The following GPC5 variants were observed in gnomAD, a reference collection of about 807,000 sequenced individuals.
The protein encoded by GPC5 is glypican-5.
A neutral mutation model predicts 53.9 loss-of-function variants in GPC5; 47 were observed. That is an observed-to-expected ratio of 0.87 (90% CI 0.69 to 1.11). The LOEUF is 1.11. Ranked by LOEUF, GPC5 falls within the 50% of genes most tolerant of loss-of-function variation. The probability of loss-of-function intolerance (pLI) is 0.00; values close to 1 mark genes in which losing one functional copy is unlikely to be tolerated. For missense variants in GPC5, 748 were observed against 713.1 expected, an observed-to-expected ratio of 1.05 and a Z score of -0.56; for synonymous variants, 286 against 263.3, an observed-to-expected ratio of 1.09 and a Z score of -0.84.
chr13:91,420,924 T>C (rs1474912152), intron 1 of GPC5, among the ~76,000 whole-genome samples: 1 of 152,242 alleles, frequency 6.6e-6, no homozygotes, highest in Non-Finnish European at 1.5e-5. Flanking sequence ...TTATCTAGTC[T>C]TGGGTAGTAT....
chr13:92,119,608 G>T (rs1222768907), intron 6 of GPC5, among the ~76,000 whole-genome samples: 2 of 110,258 alleles, frequency 1.8e-5, no homozygotes, highest in African/African-American at 7.1e-5. Context: ...TTTTAGTAGA[G>T]ACGGGGTTTC....
chr13:91,449,629 C>G (rs766203560), intron 2 of GPC5, among the ~76,000 whole-genome samples: 1 of 152,094 alleles, frequency 6.6e-6, no homozygotes, highest in Non-Finnish European at 1.5e-5. Context: ...AAAGTGCAAG[C>G]AAGTCTGATA....
At chr13:92,169,106 G>T (rs571604284) in intron 7 of GPC5, among the ~76,000 whole-genome samples, 1 of 152,170 alleles carries the variant, frequency 6.6e-6, no homozygotes, top group East Asian at 1.9e-4. Flanking sequence ...GCATGTTCTC[G>T]CTTCTAAGTG....
intron 7 of GPC5, among the ~76,000 whole-genome samples, chr13:92,297,034 A>G (rs1167580332): frequency 6.6e-6 from 1 of 152,208 alleles, no homozygotes; most frequent in Non-Finnish European, 1.5e-5. Flanking sequence ...TGACCACCCA[A>G]GGGCTGAGGA....
intron 2 of GPC5, among the ~76,000 whole-genome samples, chr13:91,605,288 GCT>G (rs2033325943): frequency 1.4e-5 from 2 of 147,956 alleles, no homozygotes; most frequent in Admixed American, 1.4e-4. Context: ...ATTTCTGAGG[GCT>G]CTGTTCTGTT....
At chr13:91,537,020 T>C (rs1410196608) in intron 2 of GPC5, among the ~76,000 whole-genome samples, 2 of 152,158 alleles carry the variant, frequency 1.3e-5, no homozygotes, top group Non-Finnish European at 1.5e-5. Context: ...AAATACAATG[T>C]ACCAAAACTT....
chr13:92,316,329 A>T (rs542025375), intron 7 of GPC5, among the ~76,000 whole-genome samples: 1 of 152,198 alleles, frequency 6.6e-6, no homozygotes, highest in African/African-American at 2.4e-5. Context: ...CTCAAAAATT[A>T]GGAGGAAGGT....
intron 5 of GPC5, among the ~76,000 whole-genome samples, chr13:91,859,794 G>T (rs570265436): frequency 6.6e-6 from 1 of 150,946 alleles, no homozygotes; most frequent in African/African-American, 2.4e-5. Context: ...TATTTTATTT[G>T]TTTCTTATTT....
chr13:91,570,346 G>A (rs1017196196), intron 2 of GPC5, among the ~76,000 whole-genome samples: 1 of 152,112 alleles, frequency 6.6e-6, no homozygotes, highest in African/African-American at 2.4e-5. Context: ...GCACTAACAT[G>A]ACATTCAAAG....
chr13:92,588,944 C>T (rs1883630045), intron 7 of GPC5, among the ~76,000 whole-genome samples: 1 of 152,142 alleles, frequency 6.6e-6, no homozygotes, highest in Non-Finnish European at 1.5e-5. Flanking sequence ...GTATAGAAAT[C>T]TCTCACTAAC....
At chr13:92,709,221 T>A (rs565464302) in intron 7 of GPC5, among the ~76,000 whole-genome samples, 2 of 151,652 alleles carry the variant, frequency 1.3e-5, no homozygotes, top group East Asian at 1.9e-4. Flanking sequence ...TAATTTTTTT[T>A]TTTTTTTTTG....
chr13:92,158,174 A>G (rs1472974370), intron 7 of GPC5, among the ~76,000 whole-genome samples: 11 of 152,190 alleles, frequency 7.2e-5, no homozygotes. Flanking sequence ...TTCAAGTATC[A>G]GTGTTTTCAG....
At chr13:92,199,151 G>T (rs752162520) in intron 7 of GPC5, among the ~76,000 whole-genome samples, 2 of 152,146 alleles carry the variant, frequency 1.3e-5, no homozygotes, top group African/African-American at 2.4e-5. Flanking sequence ...GATTTTTGTT[G>T]CCACATAGGT....
chr13:92,142,135 A>C (rs1331004), intron 6 of GPC5, among the ~76,000 whole-genome samples: 91 of 152,346 alleles, frequency 6.0e-4, no homozygotes, highest in Non-Finnish European at 1.1e-3. Context: ...AACATGGTAC[A>C]TGTATAGCTA....
At chr13:91,865,732 T>C (rs1320219054) in intron 5 of GPC5, among the ~76,000 whole-genome samples, 1 of 152,152 alleles carries the variant, frequency 6.6e-6, no homozygotes. Context: ...TTCTCTCTCC[T>C]CATTTCTCTC....
At chr13:91,558,935 A>G (rs931854027) in intron 2 of GPC5, among the ~76,000 whole-genome samples, 1 of 151,942 alleles carries the variant, frequency 6.6e-6, no homozygotes, top group African/African-American at 2.4e-5. Flanking sequence ...TTTTAGAGTT[A>G]GTTTTTACCT....
chr13:92,714,123 G>A (rs1010025781), intron 7 of GPC5, among the ~76,000 whole-genome samples: 2 of 152,138 alleles, frequency 1.3e-5, no homozygotes, highest in African/African-American at 4.8e-5. Flanking sequence ...TGGCTCTAGA[G>A]GGGAAGAAAA....
chr13:91,538,495 A>AT (rs1205511120), intron 2 of GPC5, among the ~76,000 whole-genome samples: 1 of 151,884 alleles, frequency 6.6e-6, no homozygotes, highest in Non-Finnish European at 1.5e-5. Flanking sequence ...TACATGTAAT[A>AT]TTTTTTAGAT....
intron 2 of GPC5, among the ~76,000 whole-genome samples, chr13:91,560,808 C>A (rs759199748): frequency 6.6e-6 from 1 of 151,856 alleles, no homozygotes; most frequent in Non-Finnish European, 1.5e-5. Context: ...TCTGAAGAAC[C>A]AGTAGCCAAA....
Sources: gnomAD v4.1 joint callset for allele counts (sites outside exome capture counted in the v4.1 genomes callset) on GRCh38, gnomAD v4.1.1 for gene constraint, MANE v1.5 for transcripts, NCBI Gene and HGNC (gene_info 2026-07-23, HGNC 2026-07-21) for gene names.